ATP8B4: variants seen among roughly 807,000 people sequenced by gnomAD.
ATP8B4 encodes ATPase phospholipid transporting 8B4 (putative).
Under a neutral mutation model 145.6 loss-of-function variants are expected in ATP8B4, and 133 were observed. That is an observed-to-expected ratio of 0.91 (90% CI 0.79 to 1.05). The LOEUF (loss-of-function observed/expected upper bound fraction) is 1.05, where lower values mean the gene tolerates loss of function less well. ATP8B4 is among the 50% of genes least tolerant of loss of function. The probability of loss-of-function intolerance (pLI) is 0.00; values close to 1 mark genes in which losing one functional copy is unlikely to be tolerated. For missense variants in ATP8B4, 1,458 were observed against 1,425.2 expected (o/e 1.02, Z -0.37); for synonymous variants, 507 against 492.9 (o/e 1.03, Z -0.38).
chr15:49,915,935 T>TA (rs1421911255), intron 20 of ATP8B4, among the ~76,000 whole-genome samples: 3 of 151,908 alleles, frequency 2.0e-5, no homozygotes, highest in Non-Finnish European at 4.4e-5. Context: ...TTCCTTTTTT[T>TA]AAAGTTCAGG....
At chr15:50,102,268 C>CAA (rs752457724) in intron 2 of ATP8B4, among the ~76,000 whole-genome samples, 1 of 148,252 alleles carries the variant, frequency 6.7e-6, no homozygotes, top group African/African-American at 2.5e-5. Context: ...GAATTTGAAA[C>CAA]AAAAAAAAAC....
At chr15:50,080,879 C>T (rs973903284) in intron 2 of ATP8B4, among the ~76,000 whole-genome samples, 27 of 152,066 alleles carry the variant, frequency 1.8e-4, no homozygotes, top group African/African-American at 6.0e-4. Context: ...TTTGGGAGGC[C>T]GAGGCAGGCG....
intron 14 of ATP8B4, among the ~76,000 whole-genome samples, chr15:49,943,172 AG>A (rs2153479286): frequency 6.6e-6 from 1 of 152,254 alleles, no homozygotes; most frequent in Admixed American, 6.5e-5. Context: ...TATCCAGTTA[AG>A]GGGAAAAAAG....
chr15:50,164,242 C>T (rs1475020253), intron 1 of ATP8B4, among the ~76,000 whole-genome samples: 2 of 152,202 alleles, frequency 1.3e-5, no homozygotes, highest in Admixed American at 6.5e-5. Flanking sequence ...TGTTGGGTTA[C>T]ACCTGAAGCC....
chr15:50,023,136 C>A (rs887301629), intron 6 of ATP8B4, among the ~76,000 whole-genome samples: 2 of 152,176 alleles, frequency 1.3e-5, no homozygotes, highest in African/African-American at 4.8e-5. Flanking sequence ...TGGTCTCATA[C>A]TCCTCCAAGC....
intron 6 of ATP8B4, among the ~76,000 whole-genome samples, chr15:50,034,768 C>A (rs1211571769): frequency 6.6e-6 from 1 of 152,128 alleles, no homozygotes; most frequent in Non-Finnish European, 1.5e-5. Flanking sequence ...GTTTGAGGAG[C>A]GTGGGATTAG....
intron 1 of ATP8B4, among the ~76,000 whole-genome samples, chr15:50,116,368 T>C (rs1362742337): frequency 1.3e-5 from 2 of 152,078 alleles, no homozygotes; most frequent in Non-Finnish European, 2.9e-5. Flanking sequence ...GGTGCCACTA[T>C]GATGATAAAT....
chr15:49,952,727 T>C (rs1238644647), intron 14 of ATP8B4, among the ~76,000 whole-genome samples: 2 of 152,198 alleles, frequency 1.3e-5, no homozygotes, highest in Non-Finnish European at 2.9e-5. Flanking sequence ...TCTGTCCAGT[T>C]CTGCACCCTT....
intron 3 of ATP8B4, among the ~76,000 whole-genome samples, chr15:50,067,422 AG>A (rs1278848514): frequency 6.6e-6 from 1 of 152,156 alleles, no homozygotes; most frequent in Non-Finnish European, 1.5e-5. Context: ...GTCTGACTAC[AG>A]GCTTTTGCTC....
At chr15:50,104,754 CAA>C (rs2056575836) in intron 2 of ATP8B4, among the ~76,000 whole-genome samples, 1 of 151,826 alleles carries the variant, frequency 6.6e-6, no homozygotes, top group African/African-American at 2.4e-5. Flanking sequence ...AGTCATTATA[CAA>C]AAAAGATACT....
At chr15:50,056,030 C>T (rs1456714396) in intron 3 of ATP8B4, among the ~76,000 whole-genome samples, 5 of 152,126 alleles carry the variant, frequency 3.3e-5, no homozygotes, top group Admixed American at 1.3e-4. Context: ...ACGAACGCTG[C>T]TGAGGAAGCC....
intron 5 of ATP8B4, among the ~76,000 whole-genome samples, chr15:50,039,279 A>G (rs995500670): frequency 1.3e-5 from 2 of 152,228 alleles, no homozygotes; most frequent in African/African-American, 4.8e-5. Flanking sequence ...TAACAACATC[A>G]ATTTTTATTC....
At chr15:50,053,095 C>G (rs779669760) in intron 3 of ATP8B4, among the ~76,000 whole-genome samples, 6 of 152,162 alleles carry the variant, frequency 3.9e-5, no homozygotes, top group Non-Finnish European at 7.3e-5. Flanking sequence ...GAAGGAACGA[C>G]CATGAATGGT....
intron 1 of ATP8B4, among the ~76,000 whole-genome samples, chr15:50,142,509 G>A (rs752070913): frequency 1.3e-5 from 2 of 152,034 alleles, no homozygotes; most frequent in African/African-American, 4.8e-5. Context: ...CTACGGATCT[G>A]TTTTGTATTT....
intron 14 of ATP8B4, among the ~76,000 whole-genome samples, chr15:49,952,894 T>TTTG (rs71424039): frequency 1.1e-4 from 16 of 151,814 alleles, no homozygotes; most frequent in Admixed American, 2.0e-4. Flanking sequence ...GTGGGGGCCT[T>TTTG]TTGTTGTTGT....
chr15:50,041,266 C>G (rs1478888520), intron 5 of ATP8B4, among the ~76,000 whole-genome samples: 1 of 152,202 alleles, frequency 6.6e-6, no homozygotes, highest in African/African-American at 2.4e-5. Context: ...GTTGAAATTT[C>G]CTCTCTTAGA....
chr15:50,094,556 C>CTATATACAAATATAGGTGTATATACACA (rs2055831353), intron 2 of ATP8B4, among the ~76,000 whole-genome samples: 11 of 147,550 alleles, frequency 7.5e-5, no homozygotes, highest in South Asian at 6.5e-4. Context: ...ATATATACAC[C>CTATATACAAATATAGGTGTATATACACA]TATATACAAA....
At chr15:49,907,401 T>A (rs917308159) in intron 20 of ATP8B4, among the ~76,000 whole-genome samples, 2 of 152,186 alleles carry the variant, frequency 1.3e-5, no homozygotes, top group Non-Finnish European at 2.9e-5. Flanking sequence ...CAAGACCTAT[T>A]CATTCTACCT....
chr15:49,913,727 T>A (rs2039465191), intron 20 of ATP8B4, among the ~76,000 whole-genome samples: 1 of 152,042 alleles, frequency 6.6e-6, no homozygotes, highest in Non-Finnish European at 1.5e-5. Flanking sequence ...ACACCAATAA[T>A]GAAGTACCTG....
Sources: gnomAD v4.1 joint callset for allele counts (sites outside exome capture counted in the v4.1 genomes callset) on GRCh38, gnomAD v4.1.1 for gene constraint, MANE v1.5 for transcripts, NCBI Gene and HGNC (gene_info 2026-07-23, HGNC 2026-07-21) for gene names.